Variants in NCALD observed in about 807,000 individuals in gnomAD.
The protein encoded by NCALD is neurocalcin delta, also known as neurocalcin-delta.
Under a neutral mutation model 18.6 loss-of-function variants are expected in NCALD, and 10 were observed. The ratio of observed to expected loss-of-function variants is 0.54; its 90% CI spans 0.33 to 0.91. The LOEUF is 0.91. Among genes scored for constraint, NCALD ranks in the 40% least tolerant of loss-of-function variants. NCALD has a pLI of 0.03. For synonymous variants in NCALD, 88 were observed against 87.4 expected (o/e 1.01, Z -0.04); for missense variants, 184 against 247.6 (o/e 0.74, Z 1.72).
chr8:101,973,614 G>A (rs959454705), intron 2 of NCALD, among the ~76,000 whole-genome samples: 4 of 152,148 alleles, frequency 2.6e-5, no homozygotes, highest in Admixed American at 6.5e-5. Flanking sequence ...ATTGTTTGGG[G>A]TAAACCAAGG....
chr8:102,041,931 G>A (rs1823063752), intron 1 of NCALD, among the ~76,000 whole-genome samples: 1 of 151,972 alleles, frequency 6.6e-6, no homozygotes, highest in Non-Finnish European at 1.5e-5. Context: ...TATAGAGTGG[G>A]TTTTAAACCA....
At chr8:101,709,862 G>A (rs1161618018) in intron 2 of NCALD, among the ~76,000 whole-genome samples, 2 of 152,116 alleles carry the variant, frequency 1.3e-5, no homozygotes, top group African/African-American at 2.4e-5. Flanking sequence ...ATGAGGAAAG[G>A]TCAGGGTTCT....
rs769027948 is a variant in NCALD, at chr8:102,092,878, T to C, written c.-210+31359A>G. On this transcript the variant is annotated intron_variant, in intron 1 of 6. Transcript: ENST00000311028. ...GTTATCACAATAGGAATTCTTTATGTCTTCAAGCACTTCTTTGACTTATGC... is the reference window on the plus strand; with the variant it reads ...GTTATCACAATAGGAATTCTTTATGCCTTCAAGCACTTCTTTGACTTATGC... Among the ~76,000 whole-genome samples, 17 of 152,360 alleles carry C rather than the reference T, an allele frequency of 1.1e-4. No homozygotes were observed. In the South Asian group the frequency reaches 1.7e-3, roughly 15 times the overall value.
At chr8:101,896,669 C>G (rs1330469989) in intron 3 of NCALD, among the ~76,000 whole-genome samples, 3 of 150,950 alleles carry the variant, frequency 2.0e-5, no homozygotes, top group African/African-American at 4.9e-5. Context: ...AAATTTACAA[C>G]AGAAAAACAA....
intron 4 of NCALD, among the ~76,000 whole-genome samples, chr8:101,881,636 A>G (rs1472638921): frequency 6.6e-6 from 1 of 152,208 alleles, no homozygotes; most frequent in Admixed American, 6.5e-5. Flanking sequence ...TGTGGCATTA[A>G]GACTCTCATA....
intron 2 of NCALD, among the ~76,000 whole-genome samples, chr8:101,996,382 C>A (rs1821240256): frequency 6.6e-6 from 1 of 152,164 alleles, no homozygotes; most frequent in Admixed American, 6.5e-5. Flanking sequence ...AATTCCTGAC[C>A]TACAGGAAAT....
chr8:101,786,092 C>G (rs975346796), intron 1 of NCALD: 1 of 152,182 alleles, frequency 6.6e-6, no homozygotes, highest in Non-Finnish European at 1.5e-5. Context: ...ACATATAGGT[C>G]TCTGGGCAAG....
At chr8:101,725,216 C>G (rs538650604) in intron 1 of NCALD, among the ~76,000 whole-genome samples, 11 of 152,302 alleles carry the variant, frequency 7.2e-5, no homozygotes, top group African/African-American at 2.4e-4. Flanking sequence ...CATCCTGTGC[C>G]TATATAAACC....
intron 2 of NCALD, among the ~76,000 whole-genome samples, chr8:101,928,229 G>T (rs1264935572): frequency 6.6e-6 from 1 of 152,156 alleles, no homozygotes; most frequent in East Asian, 1.9e-4. Flanking sequence ...AGCTTGAAAA[G>T]TTCCCACAGC....
chr8:101,885,613 T>G (rs1353551252), intron 4 of NCALD, among the ~76,000 whole-genome samples: 1 of 152,182 alleles, frequency 6.6e-6, no homozygotes, highest in Non-Finnish European at 1.5e-5. Context: ...CAGCATGAAC[T>G]CTCGCAGTCT....
At chr8:101,747,806 CTCCTGGGT>C (rs1427983434) in intron 1 of NCALD, among the ~76,000 whole-genome samples, 1 of 151,972 alleles carries the variant, frequency 6.6e-6, no homozygotes, top group African/African-American at 2.4e-5. Context: ...CAACCTCTCC[CTCCTGGGT>C]TCAAGTGATT....
intron 1 of NCALD, among the ~76,000 whole-genome samples, chr8:102,066,096 C>G (rs1333846259): frequency 6.6e-6 from 1 of 152,206 alleles, no homozygotes; most frequent in African/African-American, 2.4e-5. Flanking sequence ...TTCTTCATTC[C>G]CCACTTCCCC....
chr8:102,025,757 C>T (rs1034841580), intron 1 of NCALD, among the ~76,000 whole-genome samples: 4 of 152,110 alleles, frequency 2.6e-5, no homozygotes, highest in African/African-American at 9.7e-5. Context: ...AAAAGGTGTG[C>T]AGAGGAGGAA....
chr8:102,058,999 C>T lies in NCALD; in HGVS notation c.-209-38710G>A, dbSNP rs528362248. On this transcript the variant is annotated intron_variant, in intron 1 of 6. Coordinates refer to the NCALD transcript ENST00000311028. ...AAAAGGCACAAAAAGGGATTTTCCC[C>T]TAAAGTCTCCAGAAAGAAATGCACT... Among the ~76,000 whole-genome samples, 10 of 152,296 alleles carry T rather than the reference C, an allele frequency of 6.6e-5. No individual in the cohort carries two copies. The South Asian group carries it at 1.5e-3, about 22-fold the overall frequency.
intron 2 of NCALD, among the ~76,000 whole-genome samples, chr8:101,710,267 C>T (rs1470094713): frequency 1.3e-5 from 2 of 152,214 alleles, no homozygotes; most frequent in Admixed American, 6.5e-5. Flanking sequence ...CTTCACAACC[C>T]GCAGACTGGG....
intron 1 of NCALD, among the ~76,000 whole-genome samples, chr8:101,757,729 T>C (rs1248411722): frequency 6.6e-6 from 1 of 152,208 alleles, no homozygotes; most frequent in Non-Finnish European, 1.5e-5. Flanking sequence ...TCTATCCCTG[T>C]ATTAATTAAC....
chr8:102,065,010 CAAAAAAAAAAAA>C (rs34548051), intron 1 of NCALD, among the ~76,000 whole-genome samples: 1 of 87,580 alleles, frequency 1.1e-5, no homozygotes, highest in Non-Finnish European at 2.0e-5. Context: ...CTCACTTTGG[CAAAAAAAAAAAA>C]AAAAAAAAAA....
intron 2 of NCALD, among the ~76,000 whole-genome samples, chr8:101,700,997 G>T (rs1179029188): frequency 6.6e-6 from 1 of 152,204 alleles, no homozygotes; most frequent in African/African-American, 2.4e-5. Flanking sequence ...ACTCAGATCA[G>T]ATGGGAATTA....
At chr8:101,714,228 T>C (rs564722916) in intron 2 of NCALD, among the ~76,000 whole-genome samples, 1 of 152,300 alleles carries the variant, frequency 6.6e-6, no homozygotes, top group Non-Finnish European at 1.5e-5. Context: ...GACAGGATAA[T>C]ATATTTAGAA....
Sources: gnomAD v4.1 joint callset for allele counts (sites outside exome capture counted in the v4.1 genomes callset) on GRCh38, gnomAD v4.1.1 for gene constraint, MANE v1.5 for transcripts, NCBI Gene and HGNC (gene_info 2026-07-23, HGNC 2026-07-21) for gene names.